The following PSMB7 variants were observed in gnomAD, a reference collection of about 807,000 sequenced individuals.
PSMB7 encodes proteasome subunit beta type-7.
Under a neutral mutation model 28.1 loss-of-function variants are expected in PSMB7, and 5 were observed. The observed-to-expected ratio is 0.18, with a 90% CI of 0.09 to 0.37. The LOEUF is 0.37. PSMB7 is among the 10% of genes least tolerant of loss of function. The pLI is 1.00. For synonymous variants in PSMB7, 122 were observed against 123.7 expected (o/e 0.99, Z 0.09); for missense variants, 275 against 346.2 (o/e 0.79, Z 1.63).
chr9:124,369,463 C>G (rs1830540110), intron 6 of PSMB7, among the ~76,000 whole-genome samples: 1 of 152,218 alleles, frequency 6.6e-6, no homozygotes. Context: ...TACACAGCTC[C>G]TGCACCCACT....
At chr9:124,365,594 A>G (rs1830499979) in intron 6 of PSMB7, among the ~76,000 whole-genome samples, 1 of 152,188 alleles carries the variant, frequency 6.6e-6, no homozygotes, top group Admixed American at 6.5e-5. Flanking sequence ...ACAACAACGG[A>G]CTGCATATAC....
intron 4 of PSMB7, among the ~76,000 whole-genome samples, chr9:124,411,375 T>C (rs1231971310): frequency 1.3e-5 from 2 of 152,370 alleles, no homozygotes; most frequent in African/African-American, 2.4e-5. Flanking sequence ...TACAAGCTGA[T>C]GGCCTATGAG....
At chr9:124,358,702 G>A (rs761320684) in intron 6 of PSMB7, among the ~76,000 whole-genome samples, 2 of 152,192 alleles carry the variant, frequency 1.3e-5, no homozygotes, top group African/African-American at 4.8e-5. Flanking sequence ...ACATGGGCAC[G>A]TGCGGGGAGA....
At chr9:124,377,496 A>C (rs1054580758) in intron 6 of PSMB7, among the ~76,000 whole-genome samples, 1 of 152,248 alleles carries the variant, frequency 6.6e-6, no homozygotes, top group Non-Finnish European at 1.5e-5. Context: ...TTACAAAAAA[A>C]ACACACACAC....
Position 124,378,429 on chromosome 9 carries a change from TAA to T in PSMB7, c.570+6167_570+6168del, listed in dbSNP as rs531467165. 1.7e-3 allele frequency among the ~76,000 whole-genome samples: 265 copies of T among 152,304 alleles called. 1 individual carries two copies. The highest frequency in any genetic ancestry group is 4.9e-3 in the Admixed American group (75 of 15,298). On this transcript the variant is annotated intron_variant, in intron 6 of 7. Transcript: ENST00000259457. Reference sequence around the variant, plus strand: ...AGCAGCATTCAGCTGCTACTTTCATTAAGCTTGTTTAATTAGATTCCAGATGC... The same window carrying T: ...AGCAGCATTCAGCTGCTACTTTCATTGCTTGTTTAATTAGATTCCAGATGC...
At chr9:124,375,233 A>G (rs1310646844) in intron 6 of PSMB7, among the ~76,000 whole-genome samples, 2 of 152,136 alleles carry the variant, frequency 1.3e-5, no homozygotes, top group Admixed American at 6.5e-5. Context: ...GGCACAACTC[A>G]CTGCAGCCTT....
chr9:124,380,995 G>T (rs1564679855), intron 6 of PSMB7, among the ~76,000 whole-genome samples: 3 of 152,180 alleles, frequency 2.0e-5, no homozygotes, highest in Non-Finnish European at 4.4e-5. Flanking sequence ...CAATATACTT[G>T]AAACAGTACC....
intron 5 of PSMB7, among the ~76,000 whole-genome samples, chr9:124,391,227 T>G (rs1830784125): frequency 6.6e-6 from 1 of 152,156 alleles, no homozygotes; most frequent in African/African-American, 2.4e-5. Context: ...AGAATAAAGC[T>G]CAAAGATAAG....
At chr9:124,361,786 T>C (rs1255332684) in intron 6 of PSMB7, among the ~76,000 whole-genome samples, 2 of 152,234 alleles carry the variant, frequency 1.3e-5, no homozygotes, top group Non-Finnish European at 2.9e-5. Flanking sequence ...AGAGTTGCAT[T>C]TTGTAGACAC....
chr9:124,383,403 A>C (rs1008847341), intron 6 of PSMB7, among the ~76,000 whole-genome samples: 2 of 152,142 alleles, frequency 1.3e-5, no homozygotes, highest in Non-Finnish European at 1.5e-5. Context: ...TGACCAAGTC[A>C]CTTATGTGAG....
chr9:124,362,729 C>CAA (rs35701697), intron 6 of PSMB7, among the ~76,000 whole-genome samples: 27 of 150,264 alleles, frequency 1.8e-4, no homozygotes, highest in East Asian at 5.9e-4. Flanking sequence ...GTTCTCACCA[C>CAA]AAAAAAAAAA....
intron 4 of PSMB7, 60 bp from the exon 5 acceptor site, chr9:124,405,492 T>TAG (rs1830954338): frequency 8.4e-7 from 1 of 1,188,994 alleles, no homozygotes; most frequent in Non-Finnish European, 1.2e-6. Flanking sequence ...CACTGTAACT[T>TAG]AGCCAAAAGT....
chr9:124,378,023 T>C (rs2282088), intron 6 of PSMB7, among the ~76,000 whole-genome samples: 2 of 152,346 alleles, frequency 1.3e-5, no homozygotes, highest in Non-Finnish European at 2.9e-5. Context: ...CCTGCAAAAA[T>C]TGGCTAAGCC....
chr9:124,382,218 T>C (rs1830674670), intron 6 of PSMB7, among the ~76,000 whole-genome samples: 1 of 104,824 alleles, frequency 9.5e-6, no homozygotes, highest in Non-Finnish European at 2.1e-5. Context: ...TTTTTTTTTT[T>C]TTTTTTTGAG....
intron 5 of PSMB7, among the ~76,000 whole-genome samples, chr9:124,400,058 C>T (rs545321086): frequency 8.7e-4 from 133 of 152,294 alleles, no homozygotes; most frequent in African/African-American, 3.1e-3. Flanking sequence ...CTCTTCCACC[C>T]TCCCCATCTT....
At chr9:124,359,252 C>T (rs1452378082) in intron 6 of PSMB7, among the ~76,000 whole-genome samples, 1 of 152,174 alleles carries the variant, frequency 6.6e-6, no homozygotes, top group Non-Finnish European at 1.5e-5. Flanking sequence ...GGAAGAAAAT[C>T]TCAAGTTTCT....
intron 6 of PSMB7, among the ~76,000 whole-genome samples, chr9:124,375,686 C>T (rs1342659270): frequency 6.6e-6 from 1 of 152,174 alleles, no homozygotes; most frequent in Admixed American, 6.5e-5. Flanking sequence ...ATAAGAAAAT[C>T]ATTGTTTATA....
intron 5 of PSMB7, among the ~76,000 whole-genome samples, chr9:124,399,919 C>G (rs774077718): frequency 6.6e-6 from 1 of 152,206 alleles, no homozygotes; most frequent in African/African-American, 2.4e-5. Context: ...GAACCTAATC[C>G]TCTCATTCCC....
chr9:124,357,007 C>T, intron 6 of PSMB7, 92 bp from the exon 7 acceptor site: 1 of 1,381,318 alleles, frequency 7.2e-7, no homozygotes, highest in Non-Finnish European at 1.0e-6. Context: ...TGCGCAAGAC[C>T]TCCCGCGAGA....
Sources: gnomAD v4.1 joint callset for allele counts (sites outside exome capture counted in the v4.1 genomes callset) on GRCh38, gnomAD v4.1.1 for gene constraint, MANE v1.5 for transcripts, NCBI Gene and HGNC (gene_info 2026-07-23, HGNC 2026-07-21) for gene names.